MYBPH: variants seen among roughly 807,000 people sequenced by gnomAD.
MYBPH encodes the protein myosin binding protein H, also known as myosin-binding protein H.
A neutral mutation model predicts 53.6 loss-of-function variants in MYBPH; 49 were observed. The ratio of observed to expected loss-of-function variants is 0.91; its 90% CI spans 0.73 to 1.16. The LOEUF is 1.16. Ranked by LOEUF, MYBPH falls within the 50% of genes most tolerant of loss-of-function variation. MYBPH has a pLI of 0.00. For synonymous variants in MYBPH, 239 were observed against 249.6 expected, an observed-to-expected ratio of 0.96 and a Z score of 0.40; for missense variants, 558 against 624.1, an observed-to-expected ratio of 0.89 and a Z score of 1.13.
Position 203,171,808 on chromosome 1 carries a change from G to T in MYBPH, c.597+144C>A. 1 of 715,910 alleles carries T rather than the reference G, an allele frequency of 1.4e-6. No homozygotes were observed. Among genetic ancestry groups the T allele is most frequent in the Non-Finnish European group, 2.2e-6 (1 of 456,194 alleles). The allele number at this position is 715,910 out of a possible 1,614,324, so 44.3% of individuals were successfully genotyped here. ...TCCACAGGCTGAGAATCACCAATGA[G>T]TCATGTGCATGATTGCGGAAGGATG... On this transcript the variant is annotated intron_variant, in intron 4 of 10. Coordinates refer to ENST00000255416, the MANE Select transcript of MYBPH (RefSeq NM_004997.3). The surrounding 1 kb of genome is among the most constrained non-coding windows in gnomAD (Gnocchi z 4.2).
intron 7 of MYBPH, 80 bp downstream of exon 7, chr1:203,170,209 CAG>C: frequency 6.5e-7 from 1 of 1,548,304 alleles, no homozygotes; most frequent in Non-Finnish European, 8.8e-7. Flanking sequence ...AGGAGAAACC[CAG>C]AGAGAGGGGT....
rs1390839719 is a variant in MYBPH at position 203,175,345 on chromosome 1, C to G, written c.322G>C (p.Glu108Gln). ...CACTCACCTCCCTCTCTGCAGAGCTCCAGCACATAGCCCTGGAGGCCCAGC... is the reference window on the plus strand; with the variant it reads ...CACTCACCTCCCTCTCTGCAGAGCTGCAGCACATAGCCCTGGAGGCCCAGC... ...GRLGLQGYVL[E>Q]LCREGASEWV... Residue 108 changes from glutamate to glutamine, a missense_variant, in exon 2 of 11, where the codon GAG (glutamate) becomes CAG (glutamine). Glu to Gln is a conservative substitution (Grantham distance 29, BLOSUM62 2). Coordinates refer to ENST00000255416, the MANE Select transcript of MYBPH (RefSeq NM_004997.3). 5.3e-6 allele frequency: 8 copies of G among 1,523,054 alleles called. 1 individual carries two copies. In the South Asian group the frequency reaches 1.1e-4, roughly 20 times the overall value. The allele number at this position is 1,523,054 out of a possible 1,614,324, so 94.3% of individuals were successfully genotyped here.
In MYBPH at chr1:203,168,997, C is replaced by T. The variant is rs1211723197; in HGVS notation, c.1326G>A (p.Arg442=). The change falls in exon 9 of 11, where the codon CGG becomes CGA. Residue 442 remains arginine (R), a synonymous_variant. Transcript: ENST00000255416. Reference sequence around the variant, plus strand: ...CCCCAGAATCAAAGGGGCTGGGTTTCCGGATCTCTAGGGTGCAGACGCCTT... The same window carrying T: ...CCCCAGAATCAAAGGGGCTGGGTTTTCGGATCTCTAGGGTGCAGACGCCTT... The part of the protein sequence containing the change: ...SEQGVCTLEI[R]KPSPFDSGVY... 1 of 1,613,896 alleles carries T rather than the reference C, an allele frequency of 6.2e-7. No individual in the cohort carries two copies. The highest frequency in any genetic ancestry group is 2.2e-5 in the East Asian group (1 of 44,870).
chr1:203,170,502 C>A, intron 6 of MYBPH, 52 bp from the exon 7 acceptor site: 1 of 1,587,192 alleles, frequency 6.3e-7, no homozygotes, highest in South Asian at 1.1e-5. Flanking sequence ...CTCACCCTCC[C>A]TGCTTACCCT....
chr1:203,169,630 A>T (rs1174959748), intron 7 of MYBPH, among the ~76,000 whole-genome samples: 1 of 152,154 alleles, frequency 6.6e-6, no homozygotes, highest in Non-Finnish European at 1.5e-5. Context: ...GATGCTAGCA[A>T]CTCAGAGGTG....
At chr1:203,175,507 T>G (rs771957878) in intron 1 of MYBPH, 44 bp downstream of exon 1, 1 of 1,612,154 alleles carries the variant, frequency 6.2e-7, no homozygotes, top group Non-Finnish European at 8.5e-7. Flanking sequence ...CCTCCACCCC[T>G]GACATGCCTG....
At chr1:203,168,532 A>T (rs1655627859) in intron 10 of MYBPH, 95 bp downstream of exon 10, 1 of 1,254,210 alleles carries the variant, frequency 8.0e-7, no homozygotes, top group Non-Finnish European at 1.1e-6. Flanking sequence ...GCTGACCACC[A>T]CCTTCCCTTC....
upstream of MYBPH, chr1:203,175,885 G>A (rs1427937667): frequency 3.4e-6 from 3 of 894,632 alleles, no homozygotes; most frequent in Non-Finnish European, 5.1e-6. Flanking sequence ...CCCAGCAAAC[G>A]ATTCCCAGCT....
At position 203,171,136 on chromosome 1, in the gene MYBPH, C is replaced by A; in HGVS notation, c.858G>T (p.Gln286His). The A allele has an allele frequency of 3.7e-6, 6 of 1,613,540 alleles. No homozygotes were observed. The highest frequency in any genetic ancestry group is 5.1e-6 in the Non-Finnish European group (6 of 1,179,710). The change falls in exon 6 of 11, where the codon CAG (glutamine) becomes CAT (histidine). Residue 286 changes from glutamine to histidine, a missense_variant. Transcript: ENST00000255416. This position sits in a 1 kb window ranked among gnomAD's most constrained non-coding sequence, Gnocchi z 4.2. ...TGCCTGTGTCCTGGGGTGGCGTCCACTGAAGAGCAGCATTGCAGCCCCAGA... is the reference window on the plus strand; with the variant it reads ...TGCCTGTGTCCTGGGGTGGCGTCCAATGAAGAGCAGCATTGCAGCCCCAGA... ...LDVWGCNAAL[Q>H]WTPPQDTGNT... is the part of the protein sequence containing the mutation.
At position 203,175,611 on chromosome 1, in the gene MYBPH, C is replaced by T. The variant is rs1156681216; in HGVS notation, c.145G>A (p.Ala49Thr). 1.9e-6 allele frequency: 3 copies of T among 1,613,980 alleles called. No homozygotes were observed. Among genetic ancestry groups the T allele is most frequent in the Non-Finnish European group, 2.5e-6 (3 of 1,180,026 alleles). The change falls in exon 1 of 11, where the codon GCC (alanine) becomes ACC (threonine). Residue 49 changes from alanine to threonine, a missense_variant. Coordinates refer to ENST00000255416, the MANE Select transcript of MYBPH (RefSeq NM_004997.3). Reference protein sequence around the residue: ...TREEQVPKPQAPAPQAPTAST... With the variant: ...TREEQVPKPQTPAPQAPTAST... ...GCTGTAGGGGCCTGTGGGGCAGGGGCCTGCGGCTTGGGCACCTGCTCTTCT... is the reference window on the plus strand; with the variant it reads ...GCTGTAGGGGCCTGTGGGGCAGGGGTCTGCGGCTTGGGCACCTGCTCTTCT...
At position 203,170,286 on chromosome 1, in the gene MYBPH, C is replaced by T. The variant is rs1484872001; in HGVS notation, c.1093+5G>A. On this transcript the variant is annotated splice_donor_5th_base_variant and intron_variant, in intron 7 of 10. Transcript: ENST00000255416. ...TAGCACAGCCAGCTCCGGGCCCAAACCCACCTGCCTTCTGGATGTGGGCGA... is the reference window on the plus strand; with the variant it reads ...TAGCACAGCCAGCTCCGGGCCCAAATCCACCTGCCTTCTGGATGTGGGCGA... 6.2e-7 allele frequency: 1 copy of T among 1,613,842 alleles called. No homozygotes were observed. Among genetic ancestry groups the T allele is most frequent in the African/African-American group, 1.3e-5 (1 of 74,916 alleles).
chr1:203,169,217 C>A, intron 8 of MYBPH, 36 bp downstream of exon 8: 1 of 1,582,280 alleles, frequency 6.3e-7, no homozygotes, highest in Non-Finnish European at 8.6e-7. Flanking sequence ...CACCTGCCCC[C>A]ACCAGCCCAG....
chr1:203,174,009 C>T (rs1655751127), intron 3 of MYBPH, among the ~76,000 whole-genome samples: 1 of 152,332 alleles, frequency 6.6e-6, no homozygotes, highest in South Asian at 2.1e-4. Flanking sequence ...AAGGGGCAAG[C>T]AGCGCCTTCT....
At position 203,168,948 on chromosome 1, in the gene MYBPH, C is replaced by T; in HGVS notation, c.1375G>A (p.Val459Met). Residue 459 changes from valine to methionine, a missense_variant, in exon 9 of 11, where the codon GTG (valine) becomes ATG (methionine). Transcript: ENST00000255416. ...SGVYTCKAIN[V>M]LGEASVDCRL... ...CAGTCCACAGATGCCTCCCCCAGCA[C>T]ATTTATGGCCTTGCAGGTGTAGACC... 6.2e-7 allele frequency: 1 copy of T among 1,614,110 alleles called. No homozygotes were observed.
Position 203,169,023 on chromosome 1 carries a change from G to C in MYBPH, c.1300C>G (p.Gln434Glu), listed in dbSNP as rs759343340. ...CGGATCTCTAGGGTGCAGACGCCTT[G>C]CTCAGAGAGGGCGCGGTATTTGGGG... is the stretch of plus-strand genomic sequence containing the variant. ...GNPKYRALSE[Q>E]GVCTLEIRKP... is the part of the protein sequence containing the mutation. The change falls in exon 9 of 11, where the codon CAA (glutamine) becomes GAA (glutamate). Residue 434 changes from glutamine to glutamate, a missense_variant. Coordinates refer to ENST00000255416, the MANE Select transcript of MYBPH (RefSeq NM_004997.3). The C allele has an allele frequency of 1.5e-5, 25 of 1,613,944 alleles. No homozygotes were observed. In the Middle Eastern group the frequency reaches 2.3e-3, roughly 149 times the overall value.
At chr1:203,175,076 T>C (rs1040453677) in intron 2 of MYBPH, among the ~76,000 whole-genome samples, 2 of 151,784 alleles carry the variant, frequency 1.3e-5, no homozygotes, top group Admixed American at 1.3e-4. Context: ...AGTGTCCCCT[T>C]ACCCTTCCCT....
upstream of MYBPH, chr1:203,179,190 C>T (rs1025238486): frequency 2.9e-6 from 1 of 346,154 alleles, no homozygotes; most frequent in Admixed American, 4.3e-5. Flanking sequence ...TAAACATTTC[C>T]ATTAATCAAC....
At position 203,175,470 on chromosome 1, in the gene MYBPH, A is replaced by G. The variant is rs201925660; in HGVS notation, c.206-9T>C. The G allele has an allele frequency of 6.2e-7, 1 of 1,600,648 alleles. No individual in the cohort carries two copies. Among genetic ancestry groups the G allele is most frequent in the African/African-American group, 1.3e-5 (1 of 74,530 alleles). On this transcript the variant is annotated splice_polypyrimidine_tract_variant and intron_variant, in intron 1 of 10. Coordinates refer to ENST00000255416, the MANE Select transcript of MYBPH (RefSeq NM_004997.3). ...TGGGGCACTGGGGACATCTGGGGAG[A>G]TGAAGAGGTTCATGGCCAAGAGCTC...
At chr1:203,174,095 C>T (rs1655752228) in intron 3 of MYBPH, among the ~76,000 whole-genome samples, 2 of 152,178 alleles carry the variant, frequency 1.3e-5, no homozygotes, top group South Asian at 2.1e-4. Context: ...TTTATGGCCA[C>T]TGGAGAGATT....
Sources: allele counts gnomAD v4.1 joint callset (sites outside exome capture counted in the v4.1 genomes callset), GRCh38; gene constraint gnomAD v4.1.1; non-coding constraint Gnocchi (gnomAD v3.1); transcripts MANE v1.5; gene names NCBI Gene and HGNC (gene_info 2026-07-23, HGNC 2026-07-21).